TIAM1: variants seen among roughly 807,000 people sequenced by gnomAD.
TIAM1 encodes TIAM Rac1 associated GEF 1, also known as rho guanine nucleotide exchange factor TIAM1.
TIAM1 carries 65 observed loss-of-function variants against 163.5 expected under a neutral mutation model. That is an observed-to-expected ratio of 0.40 (90% CI 0.33 to 0.49). The LOEUF is 0.49. TIAM1 is among the 20% of genes least tolerant of loss of function. TIAM1 has a pLI of 0.77. For missense variants in TIAM1, 1,789 were observed against 2,044.7 expected (o/e 0.87, Z 2.41); for synonymous variants, 833 against 810.1 (o/e 1.03, Z -0.48).
chr21:31,350,145 C>T lies in TIAM1; in HGVS notation c.-368-10723G>A, dbSNP rs533605683. The stretch of plus-strand genomic sequence containing the variant: ...CTTCCCAATGGGGTCACAGAGGGCT[C>T]ACCCTCTTGAGCCCTAAGCCTTCCC... On this transcript the variant is annotated intron_variant, in intron 2 of 28. Transcript: ENST00000286827. Among the ~76,000 whole-genome samples the T allele has an allele frequency of 4.6e-5, 7 of 152,240 alleles. No homozygotes were observed. The East Asian group carries it at 1.4e-3, about 29-fold the overall frequency.
chr21:31,215,443 C>T (rs2146586041), intron 9 of TIAM1, among the ~76,000 whole-genome samples: 1 of 152,016 alleles, frequency 6.6e-6, no homozygotes, highest in Admixed American at 6.6e-5. Context: ...CGCCTGTAAT[C>T]CCAGCTACTC....
intron 1 of TIAM1, among the ~76,000 whole-genome samples, chr21:31,531,227 C>T (rs572059263): frequency 1.3e-5 from 2 of 152,268 alleles, no homozygotes; most frequent in South Asian, 2.1e-4. Flanking sequence ...CCACTGAGCC[C>T]GTGGGTACTC....
chr21:31,519,533 T>C (rs987264069), intron 1 of TIAM1, among the ~76,000 whole-genome samples: 1 of 134,864 alleles, frequency 7.4e-6, no homozygotes, highest in Non-Finnish European at 1.6e-5. Context: ...AAAAAAAAAT[T>C]AAACAGAATT....
intron 1 of TIAM1, among the ~76,000 whole-genome samples, chr21:31,514,039 T>TC (rs973388504): frequency 7.2e-5 from 11 of 151,726 alleles, no homozygotes; most frequent in African/African-American, 2.7e-4. Flanking sequence ...TTCTGGCACA[T>TC]CCCCCAAAGG....
chr21:31,189,583 A>C (rs1055198956), intron 13 of TIAM1, among the ~76,000 whole-genome samples: 3 of 152,154 alleles, frequency 2.0e-5, no homozygotes, highest in African/African-American at 7.2e-5. Flanking sequence ...GATCACCCAA[A>C]TGAAAGCCAA....
intron 2 of TIAM1, among the ~76,000 whole-genome samples, chr21:31,288,183 C>A (rs2073886878): frequency 6.6e-6 from 1 of 152,024 alleles, no homozygotes; most frequent in South Asian, 2.1e-4. Context: ...GGTGTCCATT[C>A]CACAAAGGAC....
chr21:31,152,043 TTTTTG>T (rs147735801), intron 19 of TIAM1, among the ~76,000 whole-genome samples: 51,191 of 101,118 alleles, frequency 0.51, 12,329 homozygotes, highest in South Asian at 0.62. Flanking sequence ...TTTTTTTTTT[TTTTTG>T]TAAGACGGAG....
intron 2 of TIAM1, among the ~76,000 whole-genome samples, chr21:31,361,825 G>A (rs996564311): frequency 1.4e-5 from 2 of 139,420 alleles, no homozygotes; most frequent in Non-Finnish European, 3.1e-5. Context: ...AGATTCCTTT[G>A]AGGAAGAAAG....
At chr21:31,355,262 T>C (rs186048592) in intron 2 of TIAM1, among the ~76,000 whole-genome samples, 52 of 152,256 alleles carry the variant, frequency 3.4e-4, no homozygotes, top group Non-Finnish European at 6.2e-4. Context: ...CTCATTCCAT[T>C]TCAATAACCA....
chr21:31,130,788 A>T, intron 24 of TIAM1, 102 bp downstream of exon 24: 1 of 1,110,890 alleles, frequency 9.0e-7, no homozygotes, highest in Non-Finnish European at 1.3e-6. Context: ...AAAAAAGATC[A>T]TAAAAAGGCT....
chr21:31,260,730 GA>G (rs1392604438), intron 4 of TIAM1, among the ~76,000 whole-genome samples: 2 of 142,464 alleles, frequency 1.4e-5, no homozygotes, highest in Non-Finnish European at 1.5e-5. Flanking sequence ...ACAGAAGATA[GA>G]GGAGAACAGA....
intron 2 of TIAM1, among the ~76,000 whole-genome samples, chr21:31,386,212 C>T (rs1266168439): frequency 2.0e-5 from 3 of 152,122 alleles, no homozygotes; most frequent in East Asian, 1.9e-4. Flanking sequence ...TCCCTGGGCC[C>T]GCAGCCCTGG....
chr21:31,153,483 C>T (rs2083471929), intron 17 of TIAM1, among the ~76,000 whole-genome samples: 2 of 152,082 alleles, frequency 1.3e-5, no homozygotes, highest in Non-Finnish European at 2.9e-5. Flanking sequence ...CTGGATTTGA[C>T]CTGAGAGCCG....
intron 2 of TIAM1, among the ~76,000 whole-genome samples, chr21:31,429,377 C>T (rs2043915540): frequency 6.6e-6 from 1 of 152,104 alleles, no homozygotes; most frequent in Admixed American, 6.6e-5. Flanking sequence ...CCCTTTGACC[C>T]ATTAATTCTT....
In TIAM1 at chr21:31,195,312, G is replaced by T; in HGVS notation, c.2494-7C>A. The T allele has an allele frequency of 6.3e-7, 1 of 1,592,880 alleles. No homozygotes were observed. The highest frequency in any genetic ancestry group is 1.1e-5 in the South Asian group (1 of 89,242). On this transcript the variant is annotated splice_region_variant and splice_polypyrimidine_tract_variant and intron_variant, in intron 12 of 27. Coordinates refer to ENST00000541036, the MANE Select transcript of TIAM1 (RefSeq NM_001353694.2). ...TTTCAATTTCTTTGTACAGCTGAAA[G>T]TTACAAAGGGGAATCTAATTAGAAT...
At chr21:31,354,133 G>A (rs1005696292) in intron 2 of TIAM1, among the ~76,000 whole-genome samples, 2 of 151,826 alleles carry the variant, frequency 1.3e-5, no homozygotes, top group Non-Finnish European at 2.9e-5. Flanking sequence ...CACCATGCCC[G>A]GCCTTATTAT....
chr21:31,466,127 T>G (rs779113832), intron 1 of TIAM1, among the ~76,000 whole-genome samples: 1 of 152,192 alleles, frequency 6.6e-6, no homozygotes, highest in Non-Finnish European at 1.5e-5. Context: ...TTTTTACAAA[T>G]GGTAAGGCAG....
chr21:31,121,800 A>G (rs2082011537), intron 27 of TIAM1, among the ~76,000 whole-genome samples: 1 of 152,180 alleles, frequency 6.6e-6, no homozygotes, highest in South Asian at 2.1e-4. Context: ...AAAAGACACC[A>G]TCCGATCAAG....
intron 23 of TIAM1, among the ~76,000 whole-genome samples, chr21:31,133,963 G>C (rs1339389838): frequency 6.6e-6 from 1 of 152,022 alleles, no homozygotes; most frequent in African/African-American, 2.4e-5. Flanking sequence ...AGCTACTCGG[G>C]AGACTGAGAC....
Sources: gnomAD v4.1 joint callset for allele counts (sites outside exome capture counted in the v4.1 genomes callset) on GRCh38, gnomAD v4.1.1 for gene constraint, MANE v1.5 for transcripts, NCBI Gene and HGNC (gene_info 2026-07-23, HGNC 2026-07-21) for gene names.